Variants in CSTPP1 observed in about 807,000 individuals in gnomAD.
The protein encoded by CSTPP1 is UPF0705 protein C11orf49.
chr11:47,110,094 CTGCCTGA>C, the CSTPP1 span, among the ~76,000 whole-genome samples: 10 of 152,324 alleles, frequency 6.6e-5, 1 homozygote, highest in East Asian at 1.5e-3. Flanking sequence ...TCACACCACC[CTGCCTGA>C]TTTATGTCAT....
the CSTPP1 span, among the ~76,000 whole-genome samples, chr11:47,152,532 AGGGGT>A: frequency 6.1e-3 from 927 of 152,344 alleles, 5 homozygotes; most frequent in Admixed American, 0.01. Context: ...GCTGCGAGGC[AGGGGT>A]AGCCCTTTGG....
the CSTPP1 span, among the ~76,000 whole-genome samples, chr11:47,066,754 T>C: frequency 6.6e-6 from 1 of 152,212 alleles, no homozygotes; most frequent in Non-Finnish European, 1.5e-5. Context: ...TTTGCAAATA[T>C]CTATTCCCTT....
the CSTPP1 span, among the ~76,000 whole-genome samples, chr11:46,941,241 C>T: frequency 6.6e-6 from 1 of 152,248 alleles, no homozygotes; most frequent in South Asian, 2.1e-4. Context: ...AACCGTATCA[C>T]TCTGCTGAAA....
At chr11:47,117,763 CCA>C in the CSTPP1 span, among the ~76,000 whole-genome samples, 4 of 152,086 alleles carry the variant, frequency 2.6e-5, no homozygotes, top group Non-Finnish European at 5.9e-5. Context: ...ACTTTCAGGT[CCA>C]CCAATCAAAC....
the CSTPP1 span, chr11:47,159,730 G>A: frequency 2.2e-6 from 1 of 456,260 alleles, no homozygotes; most frequent in South Asian, 1.5e-5. Flanking sequence ...CACTGGCTGG[G>A]TGTGGTGGCT....
At chr11:47,079,967 C>T in the CSTPP1 span, among the ~76,000 whole-genome samples, 1 of 151,964 alleles carries the variant, frequency 6.6e-6, no homozygotes, top group Non-Finnish European at 1.5e-5. Context: ...CATGGTTGCA[C>T]ACACCTGTAA....
chr11:47,139,705 A>C, the CSTPP1 span, among the ~76,000 whole-genome samples: 1 of 151,630 alleles, frequency 6.6e-6, no homozygotes, highest in Non-Finnish European at 1.5e-5. Flanking sequence ...GAAAGTGATG[A>C]ACCCCAGTTG....
the CSTPP1 span, among the ~76,000 whole-genome samples, chr11:47,067,755 A>C: frequency 6.6e-6 from 1 of 152,226 alleles, no homozygotes; most frequent in Non-Finnish European, 1.5e-5. Context: ...TAAGTCACTC[A>C]GTCTATGGTA....
At chr11:47,057,929 C>T in the CSTPP1 span, among the ~76,000 whole-genome samples, 82 of 152,302 alleles carry the variant, frequency 5.4e-4, no homozygotes, top group Non-Finnish European at 1.1e-3. Context: ...TTAAATCGAT[C>T]CGCAAGTAAT....
At chr11:47,155,049 G>A in the CSTPP1 span, 2 of 810,324 alleles carry the variant, frequency 2.5e-6, no homozygotes, top group South Asian at 1.5e-5. Context: ...AGGGGAGACT[G>A]GCGGCCCAGG....
At chr11:47,026,006 G>C in the CSTPP1 span, among the ~76,000 whole-genome samples, 1 of 152,190 alleles carries the variant, frequency 6.6e-6, no homozygotes, top group Non-Finnish European at 1.5e-5. Flanking sequence ...GGAATGGCAG[G>C]ATCTGCAGAT....
the CSTPP1 span, among the ~76,000 whole-genome samples, chr11:47,007,140 C>G: frequency 2.7e-5 from 4 of 150,432 alleles, no homozygotes; most frequent in Non-Finnish European, 4.4e-5. Context: ...TCAAGTGATT[C>G]TTCTGCCTCA....
At chr11:47,013,213 A>AT in the CSTPP1 span, among the ~76,000 whole-genome samples, 1 of 148,852 alleles carries the variant, frequency 6.7e-6, no homozygotes, top group African/African-American at 2.5e-5. Flanking sequence ...ATAAATGGTT[A>AT]TATATATATA....
At chr11:47,066,111 T>TG in the CSTPP1 span, among the ~76,000 whole-genome samples, 6 of 144,888 alleles carry the variant, frequency 4.1e-5, no homozygotes, top group East Asian at 1.2e-3. Flanking sequence ...TTTTTTTTTT[T>TG]TTTTTTGTTT....
chr11:47,147,525 G>C, the CSTPP1 span, among the ~76,000 whole-genome samples: 1 of 152,102 alleles, frequency 6.6e-6, no homozygotes, highest in South Asian at 2.1e-4. Flanking sequence ...ACACCTTCAG[G>C]CTGTCTACAG....
the CSTPP1 span, among the ~76,000 whole-genome samples, chr11:47,113,768 T>G: frequency 6.6e-6 from 1 of 152,228 alleles, no homozygotes; most frequent in South Asian, 2.1e-4. Context: ...GATGGGTAGA[T>G]TGCAAAAATT....
At chr11:47,147,955 C>A in the CSTPP1 span, among the ~76,000 whole-genome samples, 1 of 152,128 alleles carries the variant, frequency 6.6e-6, no homozygotes, top group African/African-American at 2.4e-5. Context: ...CTGGATCAAG[C>A]GTCTTAGGCA....
At chr11:46,962,284 C>A in the CSTPP1 span, among the ~76,000 whole-genome samples, 1 of 152,190 alleles carries the variant, frequency 6.6e-6, no homozygotes. Context: ...AATTATATTT[C>A]ATTGGTTTCT....
chr11:47,137,044 T>A, the CSTPP1 span, among the ~76,000 whole-genome samples: 1 of 152,224 alleles, frequency 6.6e-6, no homozygotes, highest in Non-Finnish European at 1.5e-5. Flanking sequence ...CTTGACTGTA[T>A]ATCTTGGACC....
Sources: allele counts gnomAD v4.1 joint callset (sites outside exome capture counted in the v4.1 genomes callset), GRCh38; gene constraint gnomAD v4.1.1; transcripts MANE v1.5; gene names NCBI Gene and HGNC (gene_info 2026-07-23, HGNC 2026-07-21).